Variants in CNBD1 observed in about 807,000 individuals in gnomAD.
CNBD1 encodes cyclic nucleotide binding domain containing 1.
Under a neutral mutation model 54.4 loss-of-function variants are expected in CNBD1, and 71 were observed. The observed-to-expected ratio is 1.30, with a 90% CI of 1.08 to 1.59. The LOEUF is 1.59. Among genes scored for constraint, CNBD1 ranks in the 40% most tolerant of loss-of-function variants. CNBD1 has a pLI of 0.00. For missense variants in CNBD1, 659 were observed against 518.0 expected (o/e 1.27, Z -2.64); for synonymous variants, 182 against 170.7 (o/e 1.07, Z -0.51).
At chr8:87,053,543 C>G (rs993272398) in intron 4 of CNBD1, among the ~76,000 whole-genome samples, 2 of 152,188 alleles carry the variant, frequency 1.3e-5, no homozygotes, top group Admixed American at 6.5e-5. Context: ...GGTGTCCCCC[C>G]TCTCCCCTTC....
Position 86,866,650 on chromosome 8 carries a change from A to G in CNBD1, c.88+67A>G, listed in dbSNP as rs1808369596. ...GTTTTCAGCGGTTCTTACCCCAGCT[A>G]TGAAAATTGGGGGTATTTCAGGGTT... On this transcript the variant is annotated intron_variant, in intron 1 of 10. Transcript: ENST00000518476. 4 of 1,226,798 alleles carry G rather than the reference A, an allele frequency of 3.3e-6. No individual in the cohort carries two copies. In the African/African-American group the frequency reaches 6.0e-5, roughly 18 times the overall value. 76.0% of individuals were successfully genotyped at this position (1,226,798 alleles called of 1,614,324 possible). A position where few individuals can be genotyped will look rare whatever the true frequency, so the allele number is the denominator to read the frequency against.
intron 4 of CNBD1, among the ~76,000 whole-genome samples, chr8:87,154,770 A>G (rs562685333): frequency 6.6e-6 from 1 of 152,296 alleles, no homozygotes; most frequent in East Asian, 1.9e-4. Flanking sequence ...GGAGGAGGTC[A>G]GAGGATGGGG....
At chr8:87,143,259 A>G (rs1812409058) in intron 4 of CNBD1, among the ~76,000 whole-genome samples, 1 of 152,046 alleles carries the variant, frequency 6.6e-6, no homozygotes, top group Non-Finnish European at 1.5e-5. Context: ...GATGTCTGAA[A>G]CCTTAATTCT....
At chr8:87,000,063 A>G (rs1586190002) in intron 4 of CNBD1, among the ~76,000 whole-genome samples, 1 of 152,146 alleles carries the variant, frequency 6.6e-6, no homozygotes, top group Non-Finnish European at 1.5e-5. Context: ...GTTTTCCATA[A>G]GTAAAGTAAT....
At chr8:87,220,773 C>G (rs1244139816) in intron 5 of CNBD1, among the ~76,000 whole-genome samples, 1 of 152,094 alleles carries the variant, frequency 6.6e-6, no homozygotes, top group African/African-American at 2.4e-5. Flanking sequence ...TATATACTTA[C>G]AGTAACTTTT....
chr8:87,168,786 A>G (rs1813025013), intron 4 of CNBD1, among the ~76,000 whole-genome samples: 1 of 152,118 alleles, frequency 6.6e-6, no homozygotes, highest in African/African-American at 2.4e-5. Context: ...ATGGATGAAC[A>G]GTACTCCACT....
At chr8:87,298,424 C>T (rs1440371700) in intron 8 of CNBD1, among the ~76,000 whole-genome samples, 1 of 151,980 alleles carries the variant, frequency 6.6e-6, no homozygotes, top group Non-Finnish European at 1.5e-5. Context: ...TACACCCTGA[C>T]CCATTGAACA....
chr8:86,973,752 C>A (rs1176918526), intron 4 of CNBD1, among the ~76,000 whole-genome samples: 3 of 152,142 alleles, frequency 2.0e-5, no homozygotes, highest in African/African-American at 7.2e-5. Flanking sequence ...CAGGGATTAA[C>A]AACAGTTTGA....
intron 2 of CNBD1, among the ~76,000 whole-genome samples, chr8:86,897,399 C>A (rs1393107344): frequency 6.6e-6 from 1 of 152,124 alleles, no homozygotes. Context: ...GGCTACTACC[C>A]TAAGACGGGG....
At chr8:87,420,082 CAA>C (rs1807905301) in intron 2 of CNBD1, among the ~76,000 whole-genome samples, 3 of 151,690 alleles carry the variant, frequency 2.0e-5, no homozygotes, top group South Asian at 4.2e-4. Context: ...TTAACAATAA[CAA>C]AGTGTTAATA....
At chr8:86,918,315 T>C (rs948150094) in intron 3 of CNBD1, among the ~76,000 whole-genome samples, 1 of 152,194 alleles carries the variant, frequency 6.6e-6, no homozygotes, top group African/African-American at 2.4e-5. Context: ...GAAAAACACC[T>C]GTGTAAGCAA....
intron 5 of CNBD1, among the ~76,000 whole-genome samples, chr8:87,206,410 C>T (rs1283032524): frequency 2.0e-5 from 3 of 152,056 alleles, no homozygotes; most frequent in Non-Finnish European, 2.9e-5. Context: ...CCCATATTGT[C>T]GGGTTTAAAC....
intron 3 of CNBD1, among the ~76,000 whole-genome samples, chr8:86,931,400 C>T (rs1453159351): frequency 1.3e-5 from 2 of 152,168 alleles, no homozygotes; most frequent in African/African-American, 2.4e-5. Context: ...AACCTTTGTC[C>T]TCTTGGGCTG....
chr8:86,908,134 A>T (rs949077946), intron 3 of CNBD1, among the ~76,000 whole-genome samples: 2 of 152,220 alleles, frequency 1.3e-5, no homozygotes, highest in African/African-American at 4.8e-5. Flanking sequence ...CTACATAGAA[A>T]TGTTAAGTCC....
chr8:87,036,943 G>A (rs1361560633), intron 4 of CNBD1, among the ~76,000 whole-genome samples: 1 of 151,996 alleles, frequency 6.6e-6, no homozygotes, highest in African/African-American at 2.4e-5. Flanking sequence ...AATTTTACTT[G>A]TGAAGACAAA....
chr8:87,327,495 A>G lies in CNBD1; in HGVS notation c.1043-24190A>G, dbSNP rs188389312. 9.2e-5 allele frequency among the ~76,000 whole-genome samples: 14 copies of G among 152,294 alleles called. No individual in the cohort carries two copies. The East Asian group carries it at 2.7e-3, about 30-fold the overall frequency. ...GGATACTCCGAACCAGGTGTGGGAT[A>G]TAGTTTCGTGGTGCGCCGTTTTTTA... On this transcript the variant is annotated intron_variant, in intron 8 of 10. Coordinates refer to ENST00000518476, the MANE Select transcript of CNBD1 (RefSeq NM_173538.3).
At chr8:87,358,880 A>T (rs1810475117) in intron 10 of CNBD1, among the ~76,000 whole-genome samples, 1 of 152,194 alleles carries the variant, frequency 6.6e-6, no homozygotes, top group African/African-American at 2.4e-5. Flanking sequence ...TGGCCATCTT[A>T]GCTGAAGAAG....
chr8:87,332,234 G>C (rs1377787909), intron 8 of CNBD1, among the ~76,000 whole-genome samples: 1 of 151,796 alleles, frequency 6.6e-6, no homozygotes, highest in Non-Finnish European at 1.5e-5. Flanking sequence ...TGTAATTCCA[G>C]TTATTCTGGA....
At position 87,365,831 on chromosome 8, in the gene CNBD1, A is replaced by T. The variant is rs1282211349; in HGVS notation, c.1303+12045A>T. On this transcript the variant is annotated intron_variant, in intron 10 of 10. Transcript: ENST00000518476. ...CAATAAATAACTGGTTTATTGAATA[A>T]TTACAACTCACAGGAAGCATTTACA... Among the ~76,000 whole-genome samples, 3 of 152,094 alleles carry T rather than the reference A, an allele frequency of 2.0e-5. 1 individual carries two copies. Among genetic ancestry groups the T allele is most frequent in the Admixed American group, 2.0e-4 (3 of 15,222 alleles).
Sources: allele counts gnomAD v4.1 joint callset (sites outside exome capture counted in the v4.1 genomes callset), GRCh38; gene constraint gnomAD v4.1.1; transcripts MANE v1.5; gene names NCBI Gene and HGNC (gene_info 2026-07-23, HGNC 2026-07-21).